Variants in SLCO3A1 observed in about 807,000 individuals in gnomAD.
SLCO3A1 encodes the protein solute carrier organic anion transporter family member 3A1.
In SLCO3A1, 27 loss-of-function variants were observed where a neutral mutation model predicts 63.1. That is an observed-to-expected ratio of 0.43 (90% confidence interval 0.32 to 0.59). SLCO3A1 has a LOEUF of 0.59. Ranked by LOEUF, SLCO3A1 falls within the 20% of genes least tolerant of loss-of-function variation. SLCO3A1 has a pLI of 0.09. For synonymous variants in SLCO3A1, 473 were observed against 409.9 expected (o/e 1.15, Z -1.86); for missense variants, 773 against 945.8 (o/e 0.82, Z 2.40).
At chr15:91,896,687 G>A (rs1898012771) in intron 1 of SLCO3A1, among the ~76,000 whole-genome samples, 1 of 152,212 alleles carries the variant, frequency 6.6e-6, no homozygotes, top group Non-Finnish European at 1.5e-5. Context: ...CCCCAGCCAT[G>A]TGGAACTGTG....
chr15:91,892,691 G>T (rs1250755641), intron 1 of SLCO3A1, among the ~76,000 whole-genome samples: 1 of 152,104 alleles, frequency 6.6e-6, no homozygotes, highest in Admixed American at 6.5e-5. Context: ...AAATGTGGAG[G>T]ATCTTCCGTC....
At chr15:92,059,535 C>T (rs961995068) in intron 2 of SLCO3A1, among the ~76,000 whole-genome samples, 2 of 152,160 alleles carry the variant, frequency 1.3e-5, no homozygotes, top group African/African-American at 2.4e-5. Context: ...CTCATTATCC[C>T]GCCTGTGAGC....
At position 91,875,271 on chromosome 15, in the gene SLCO3A1, A is replaced by G. The variant is rs1897372037; in HGVS notation, c.180+21183A>G. 6.6e-6 allele frequency among the ~76,000 whole-genome samples: 1 copy of G among 152,012 alleles called. No homozygotes were observed. On this transcript the variant is annotated intron_variant, in intron 1 of 9. Transcript: ENST00000318445. This position sits in a 1 kb window ranked among gnomAD's most constrained non-coding sequence, Gnocchi z 4.5. ...CCCACATTGTAGCTCATTGTAGGAGATCCTAGTTGCACTTCTGTTATGAAG... is the reference window on the plus strand; with the variant it reads ...CCCACATTGTAGCTCATTGTAGGAGGTCCTAGTTGCACTTCTGTTATGAAG...
intron 2 of SLCO3A1, among the ~76,000 whole-genome samples, chr15:92,045,749 T>C (rs1429984535): frequency 6.6e-6 from 1 of 152,242 alleles, no homozygotes; most frequent in Non-Finnish European, 1.5e-5. Flanking sequence ...GGTGCATTTA[T>C]TGAGCTACTG....
chr15:91,881,562 A>C (rs1395923337), intron 1 of SLCO3A1, among the ~76,000 whole-genome samples: 1 of 87,186 alleles, frequency 1.1e-5, no homozygotes, highest in Non-Finnish European at 2.1e-5. Flanking sequence ...TTTAATATTT[A>C]AGCTGTTGAC....
At chr15:92,126,368 G>T in intron 6 of SLCO3A1, 109 bp downstream of exon 6, 1 of 840,710 alleles carries the variant, frequency 1.2e-6, no homozygotes, top group Admixed American at 2.0e-5. Flanking sequence ...CTGAGGAGAC[G>T]CATCACGGCT....
At chr15:91,995,437 C>T (rs1305727798) in intron 2 of SLCO3A1, among the ~76,000 whole-genome samples, 2 of 152,182 alleles carry the variant, frequency 1.3e-5, no homozygotes, top group Non-Finnish European at 2.9e-5. Context: ...TTATATTGGA[C>T]AGCTAGTGTC....
Position 92,164,224 on chromosome 15 carries a change from A to G in SLCO3A1, c.*1089A>G. 2.0e-6 allele frequency: 2 copies of G among 985,080 alleles called. No homozygotes were observed. The highest frequency in any genetic ancestry group is 2.4e-6 in the Non-Finnish European group (2 of 829,644). The allele number at this position is 985,080 out of a possible 1,614,324, so 61.0% of individuals were successfully genotyped here. The stretch of plus-strand genomic sequence containing the variant: ...TTAATGCACCAAAAATATGTGATAC[A>G]AGGGATGCAATTAACCTATTGTAAT... On this transcript the variant is annotated 3_prime_UTR_variant, in exon 10 of 10. Coordinates refer to ENST00000318445, the MANE Select transcript of SLCO3A1 (RefSeq NM_013272.4).
At chr15:92,159,905 G>T (rs565356722) in intron 9 of SLCO3A1, among the ~76,000 whole-genome samples, 68 of 152,148 alleles carry the variant, frequency 4.5e-4, no homozygotes, top group African/African-American at 1.6e-3. Flanking sequence ...AACGAATTTG[G>T]TTCCTTTATG....
chr15:91,997,396 T>G (rs2046204370), intron 2 of SLCO3A1, among the ~76,000 whole-genome samples: 1 of 152,198 alleles, frequency 6.6e-6, no homozygotes, highest in South Asian at 2.1e-4. Flanking sequence ...GCTCATGAAT[T>G]GGAAGAATCA....
intron 2 of SLCO3A1, among the ~76,000 whole-genome samples, chr15:91,937,252 G>C (rs1899446154): frequency 6.6e-6 from 1 of 152,238 alleles, no homozygotes; most frequent in African/African-American, 2.4e-5. Context: ...GTGCTCAGCT[G>C]TCAGCTTTCT....
chr15:91,968,131 G>A lies in SLCO3A1; in HGVS notation c.646+51673G>A, dbSNP rs569682969. On this transcript the variant is annotated intron_variant, in intron 2 of 9. Coordinates refer to ENST00000318445, the MANE Select transcript of SLCO3A1 (RefSeq NM_013272.4). This position sits in a 1 kb window ranked among gnomAD's most constrained non-coding sequence, Gnocchi z 4.2. ...CGGCCTATCCATCAAAGCACAGTGC[G>A]TGTCTCCTTTCTCAGACAGAGGACG... Among the ~76,000 whole-genome samples, 7 of 152,218 alleles carry A rather than the reference G, an allele frequency of 4.6e-5. No homozygotes were observed. The highest frequency in any genetic ancestry group is 1.7e-4 in the African/African-American group (7 of 41,540).
At chr15:92,138,702 G>A (rs2151578600) in intron 7 of SLCO3A1, among the ~76,000 whole-genome samples, 1 of 48,864 alleles carries the variant, frequency 2.0e-5, no homozygotes, top group East Asian at 6.9e-4. Context: ...TCCCTTGTAA[G>A]TTGGATTCCT....
chr15:92,077,861 AT>A (rs2047297752), intron 2 of SLCO3A1, among the ~76,000 whole-genome samples: 1 of 152,032 alleles, frequency 6.6e-6, no homozygotes, highest in East Asian at 1.9e-4. Context: ...TTCTGCTGCC[AT>A]TTCCCCTTTC....
chr15:91,941,325 T>A lies in SLCO3A1; in HGVS notation c.646+24867T>A. 2.9e-6 allele frequency: 1 copy of A among 347,052 alleles called. No homozygotes were observed. The highest frequency in any genetic ancestry group is 5.7e-6 in the Non-Finnish European group (1 of 176,694). 21.5% of individuals were successfully genotyped at this position (347,052 alleles called of 1,614,324 possible). On this transcript the variant is annotated intron_variant, in intron 2 of 9. Transcript: ENST00000318445. The surrounding 1 kb of genome is among the most constrained non-coding windows in gnomAD (Gnocchi z 4.4). ...GGGTGGGAGAGAGACACTGAATCAG[T>A]GCATGAGTGACCAGCTAGGACTGAG... is the stretch of plus-strand genomic sequence containing the variant.
chr15:92,051,992 T>A lies in SLCO3A1; in HGVS notation c.647-42889T>A, dbSNP rs574816294. On this transcript the variant is annotated intron_variant, in intron 2 of 9. Coordinates refer to ENST00000318445, the MANE Select transcript of SLCO3A1 (RefSeq NM_013272.4). ...CGAGGCTGTGACTTTAAAGACCAAA[T>A]GACACAGCTTTTGAGTAAAGCAGGC... Among the ~76,000 whole-genome samples the A allele has an allele frequency of 5.3e-5, 8 of 152,280 alleles. 1 individual carries two copies. The South Asian group carries it at 1.7e-3, about 32-fold the overall frequency.
chr15:92,163,966 C>T lies in SLCO3A1; in HGVS notation c.*831C>T, dbSNP rs1265715348. ...TCGCCTGGCTATGACTGACCCGGCT[C>T]AGAGCTGGTGAGACCCAACGCAGTC... On this transcript the variant is annotated 3_prime_UTR_variant, in exon 10 of 10. Coordinates refer to ENST00000318445, the MANE Select transcript of SLCO3A1 (RefSeq NM_013272.4). The T allele has an allele frequency of 1.0e-6, 1 of 985,326 alleles. No homozygotes were observed. Among genetic ancestry groups the T allele is most frequent in the Admixed American group, 6.1e-5 (1 of 16,266 alleles). The allele number at this position is 985,326 out of a possible 1,614,324, so 61.0% of individuals were successfully genotyped here. A position where few individuals can be genotyped will look rare whatever the true frequency, so the allele number is the denominator to read the frequency against.
At chr15:91,949,195 G>C (rs1208213509) in intron 2 of SLCO3A1, among the ~76,000 whole-genome samples, 1 of 152,148 alleles carries the variant, frequency 6.6e-6, no homozygotes, top group Non-Finnish European at 1.5e-5. Context: ...TTGGCATAGA[G>C]ACTGGCGCTG....
chr15:92,011,429 G>T (rs943586594), intron 2 of SLCO3A1, among the ~76,000 whole-genome samples: 2 of 151,954 alleles, frequency 1.3e-5, no homozygotes, highest in Admixed American at 1.3e-4. Flanking sequence ...CACATGTATG[G>T]AAACATCACA....
Sources: gnomAD v4.1 joint callset for allele counts (sites outside exome capture counted in the v4.1 genomes callset) on GRCh38, gnomAD v4.1.1 for gene constraint, Gnocchi (gnomAD v3.1) non-coding constraint, MANE v1.5 for transcripts, NCBI Gene and HGNC (gene_info 2026-07-23, HGNC 2026-07-21) for gene names.